The following ELP4 variants were observed in gnomAD, a reference collection of about 807,000 sequenced individuals.
The protein encoded by ELP4 is elongator acetyltransferase complex subunit 4, also known as elongator complex protein 4.
A neutral mutation model predicts 48.9 loss-of-function variants in ELP4; 51 were observed. The observed-to-expected ratio is 1.04, with a 90% CI of 0.83 to 1.32. The LOEUF (loss-of-function observed/expected upper bound fraction) is 1.32, where lower values mean the gene tolerates loss of function less well. Among genes scored for constraint, ELP4 ranks in the 40% most tolerant of loss-of-function variants. The pLI, the probability that ELP4 is intolerant of heterozygous loss-of-function variation, is 0.00. For synonymous variants in ELP4, 210 were observed against 189.2 expected (o/e 1.11, Z -0.90); for missense variants, 519 against 514.6 (o/e 1.01, Z -0.08).
intron 9 of ELP4, among the ~76,000 whole-genome samples, chr11:31,773,740 T>C (rs990518136): frequency 6.6e-6 from 1 of 152,216 alleles, no homozygotes; most frequent in Admixed American, 6.5e-5. Context: ...ATTTTTTTAA[T>C]CTAGTACAAA....
chr11:31,764,254 T>C (rs1441267801), intron 9 of ELP4, among the ~76,000 whole-genome samples: 1 of 152,186 alleles, frequency 6.6e-6, no homozygotes, highest in African/African-American at 2.4e-5. Context: ...AGTCTCAGAG[T>C]ACATCGTTTG....
At chr11:31,762,675 T>G (rs2134256376) in intron 9 of ELP4, among the ~76,000 whole-genome samples, 1 of 152,022 alleles carries the variant, frequency 6.6e-6, no homozygotes, top group South Asian at 2.1e-4. Context: ...ATGATTAATT[T>G]TAAATAATTA....
At chr11:31,581,154 G>T (rs568971661) in intron 3 of ELP4, among the ~76,000 whole-genome samples, 2 of 151,988 alleles carry the variant, frequency 1.3e-5, no homozygotes, top group Admixed American at 6.6e-5. Context: ...CCTTGAAATC[G>T]TCCATACTCC....
At chr11:31,781,629 G>T (rs1314041757) in intron 9 of ELP4, among the ~76,000 whole-genome samples, 1 of 150,212 alleles carries the variant, frequency 6.7e-6, no homozygotes, top group African/African-American at 2.5e-5. Context: ...CTCCCTGGTA[G>T]CTGGGATTAC....
At chr11:31,743,046 G>A (rs1201602029) in intron 9 of ELP4, among the ~76,000 whole-genome samples, 1 of 152,074 alleles carries the variant, frequency 6.6e-6, no homozygotes, top group Non-Finnish European at 1.5e-5. Flanking sequence ...AAATAAAGGG[G>A]TGGAGGAAGA....
chr11:31,546,511 C>T (rs1377542192), intron 3 of ELP4, among the ~76,000 whole-genome samples: 2 of 152,166 alleles, frequency 1.3e-5, no homozygotes, highest in African/African-American at 2.4e-5. Flanking sequence ...TACAAAGAGA[C>T]TTAGACTCCC....
chr11:31,709,207 G>A lies in ELP4; in HGVS notation c.1143+58986G>A, dbSNP rs560072523. On this transcript the variant is annotated intron_variant, in intron 9 of 9. Coordinates refer to ENST00000640961, the MANE Select transcript of ELP4 (RefSeq NM_019040.5). ...TACCCAAAACCAAGGGTCCTGAGTA[G>A]GAAAGCATATGCATACGACCTGGTG... 1.2e-3 allele frequency among the ~76,000 whole-genome samples: 182 copies of A among 152,220 alleles called. 3 individuals carry two copies. The highest frequency in any genetic ancestry group is 4.3e-3 in the African/African-American group (177 of 41,550).
At position 31,719,251 on chromosome 11, in the gene ELP4, C is replaced by A. The variant is rs534224108; in HGVS notation, c.1144-64142C>A. 9.2e-4 allele frequency among the ~76,000 whole-genome samples: 139 copies of A among 150,482 alleles called. 1 individual carries two copies. The highest frequency in any genetic ancestry group is 1.7e-3 in the Non-Finnish European group (115 of 67,730). On this transcript the variant is annotated intron_variant, in intron 9 of 9. Coordinates refer to ENST00000640961, the MANE Select transcript of ELP4 (RefSeq NM_019040.5). ...CTCCAGCCTGGGTGACAGAGCAAGA[C>A]CCTGAAAAAGAAAAAAAAAAAAGAA...
intron 9 of ELP4, among the ~76,000 whole-genome samples, chr11:31,741,325 C>T (rs1029069721): frequency 9.9e-5 from 15 of 152,190 alleles, no homozygotes; most frequent in African/African-American, 2.9e-4. Flanking sequence ...GGGGGCAGGG[C>T]ACAGACAAAC....
At chr11:31,595,265 A>C (rs1399989580) in intron 4 of ELP4, among the ~76,000 whole-genome samples, 1 of 152,166 alleles carries the variant, frequency 6.6e-6, no homozygotes, top group South Asian at 2.1e-4. Context: ...TTCAATCATT[A>C]CATTTTCAAA....
chr11:31,696,483 A>T (rs991817559), intron 9 of ELP4, among the ~76,000 whole-genome samples: 26 of 152,002 alleles, frequency 1.7e-4, no homozygotes, highest in African/African-American at 6.0e-4. Context: ...TGATTTTGAG[A>T]GAGTTTCTTA....
chr11:31,603,617 GCTT>G, intron 4 of ELP4, 148 bp from the exon 5 acceptor site: 1 of 603,254 alleles, frequency 1.7e-6, no homozygotes. Context: ...GTTGTTGTAT[GCTT>G]CTTTGAAATT....
At chr11:31,618,104 T>TA (rs938780779) in intron 5 of ELP4, among the ~76,000 whole-genome samples, 4 of 151,978 alleles carry the variant, frequency 2.6e-5, no homozygotes, top group Admixed American at 1.3e-4. Flanking sequence ...GATGAGTGGA[T>TA]AAAAAATGTT....
At chr11:31,756,547 T>A (rs1023859145) in intron 9 of ELP4, among the ~76,000 whole-genome samples, 1 of 152,200 alleles carries the variant, frequency 6.6e-6, no homozygotes, top group Non-Finnish European at 1.5e-5. Context: ...TTTCCTTGTC[T>A]GTTAAAGTCT....
At chr11:31,721,808 C>T (rs1454194648) in intron 9 of ELP4, among the ~76,000 whole-genome samples, 3 of 152,146 alleles carry the variant, frequency 2.0e-5, no homozygotes, top group Non-Finnish European at 2.9e-5. Flanking sequence ...ATAGGCTCCA[C>T]GATACGTTTA....
intron 9 of ELP4, among the ~76,000 whole-genome samples, chr11:31,710,362 C>T (rs1304768730): frequency 6.6e-6 from 1 of 152,170 alleles, no homozygotes. Context: ...TGGTGGCTCA[C>T]GCCTGTAATC....
chr11:31,613,679 T>G (rs1958023459), intron 5 of ELP4, among the ~76,000 whole-genome samples: 1 of 151,808 alleles, frequency 6.6e-6, no homozygotes. Context: ...ATTCTTTGTA[T>G]GTTTTATACG....
intron 3 of ELP4, among the ~76,000 whole-genome samples, chr11:31,560,749 T>G (rs1207762601): frequency 6.6e-6 from 1 of 151,126 alleles, no homozygotes; most frequent in Non-Finnish European, 1.5e-5. Flanking sequence ...GTTTTGTATA[T>G]ATATACGTAC....
At chr11:31,588,725 A>G (rs868765858) in intron 3 of ELP4, among the ~76,000 whole-genome samples, 2 of 152,316 alleles carry the variant, frequency 1.3e-5, no homozygotes, top group East Asian at 1.9e-4. Flanking sequence ...GCTCACGCCT[A>G]TAATCCCAAC....
Sources: gnomAD v4.1 joint callset for allele counts (sites outside exome capture counted in the v4.1 genomes callset) on GRCh38, gnomAD v4.1.1 for gene constraint, MANE v1.5 for transcripts, NCBI Gene and HGNC (gene_info 2026-07-23, HGNC 2026-07-21) for gene names.